The following YWHAZ variants were observed in gnomAD, a reference collection of about 807,000 sequenced individuals.
YWHAZ encodes tyrosine 3-monooxygenase/tryptophan 5-monooxygenase activation protein zeta, also known as 14-3-3 protein zeta/delta.
For missense variants in YWHAZ, 79 were observed against 284.8 expected (o/e 0.28, Z 5.20); for synonymous variants, 87 against 103.6 (o/e 0.84, Z 0.97).
At chr8:100,939,486 C>G (rs1292029957) in intron 2 of YWHAZ, among the ~76,000 whole-genome samples, 1 of 151,504 alleles carries the variant, frequency 6.6e-6, no homozygotes, top group Non-Finnish European at 1.5e-5. Flanking sequence ...ATGGAGAAAC[C>G]CCATCTCTAC....
At chr8:100,947,969 G>T in intron 2 of YWHAZ, 1 of 700,432 alleles carries the variant, frequency 1.4e-6, no homozygotes, top group Non-Finnish European at 2.2e-6. Context: ...TAAGCGCAGT[G>T]CTTCAACACA....
intron 2 of YWHAZ, among the ~76,000 whole-genome samples, chr8:100,943,714 C>T (rs1225289058): frequency 2.6e-5 from 4 of 152,058 alleles, no homozygotes; most frequent in Non-Finnish European, 5.9e-5. Context: ...AGGCCGGGCG[C>T]GGTGGCTCAC....
At chr8:100,947,080 C>T (rs1483405478) in intron 2 of YWHAZ, among the ~76,000 whole-genome samples, 18 of 150,900 alleles carry the variant, frequency 1.2e-4, no homozygotes, top group Middle Eastern at 3.2e-3. Flanking sequence ...GGTGAAACCC[C>T]GTCTCTACTA....
upstream of YWHAZ, chr8:100,952,302 A>G (rs941865902): frequency 2.1e-5 from 6 of 283,758 alleles, no homozygotes; most frequent in Non-Finnish European, 3.2e-5. Flanking sequence ...GCTTGTCCCG[A>G]GTGCACCTAG....
At chr8:100,940,062 CA>C (rs33984830) in intron 2 of YWHAZ, among the ~76,000 whole-genome samples, 175 of 99,004 alleles carry the variant, frequency 1.8e-3, no homozygotes, top group Middle Eastern at 0.01. Flanking sequence ...GACTCCGTCT[CA>C]AAAAAAAAAA....
chr8:100,951,022 T>A (rs1810713316), intron 1 of YWHAZ: 1 of 416,438 alleles, frequency 2.4e-6, no homozygotes, highest in Non-Finnish European at 3.2e-6. Flanking sequence ...TACCCCGACC[T>A]GGACTTGCAG....
In YWHAZ at chr8:100,948,956, C is replaced by A; in HGVS notation, c.-11-56G>T. The A allele has an allele frequency of 6.6e-7, 1 of 1,511,860 alleles. No individual in the cohort carries two copies. Among genetic ancestry groups the A allele is most frequent in the Non-Finnish European group, 8.8e-7 (1 of 1,137,228 alleles). 93.7% of individuals were successfully genotyped at this position (1,511,860 alleles called of 1,614,324 possible). ...TTTTTCCCATCAAAATAAACAGACT[C>A]AAAATTATACCTGTGGTAAATGAGT... On this transcript the variant is annotated intron_variant, in intron 1 of 5. Transcript: ENST00000395958. This position sits in a 1 kb window ranked among gnomAD's most constrained non-coding sequence, Gnocchi z 4.2.
intron 2 of YWHAZ, among the ~76,000 whole-genome samples, chr8:100,926,163 G>A (rs1813345830): frequency 6.6e-6 from 1 of 151,386 alleles, no homozygotes; most frequent in African/African-American, 2.4e-5. Flanking sequence ...CCAATGCTGG[G>A]TAGGTGAACA....
At chr8:100,939,971 C>T (rs913403666) in intron 2 of YWHAZ, among the ~76,000 whole-genome samples, 5 of 149,698 alleles carry the variant, frequency 3.3e-5, no homozygotes, top group Admixed American at 6.7e-5. Context: ...TGCAGTGAGC[C>T]GAGATCGCGC....
intron 1 of YWHAZ, chr8:100,950,663 G>GGC (rs1554618242): frequency 1.1e-6 from 1 of 909,864 alleles, no homozygotes; most frequent in Non-Finnish European, 1.3e-6. Context: ...GCCGTGGGGG[G>GGC]GGGGGAGAGA....
chr8:100,925,601 TAA>T (rs1467313023), intron 2 of YWHAZ, among the ~76,000 whole-genome samples: 1 of 152,200 alleles, frequency 6.6e-6, no homozygotes, highest in Non-Finnish European at 1.5e-5. Context: ...TTATTTTTCC[TAA>T]AGACAGTGGT....
In YWHAZ at chr8:100,947,120, G is replaced by A. The variant is rs549801117; in HGVS notation, c.294+1476C>T. ...TACAAAAAAATTAGCCGGGCGCAGTGGCAGGCGCCTGTAGTCTCAGCTATT... is the reference window on the plus strand; with the variant it reads ...TACAAAAAAATTAGCCGGGCGCAGTAGCAGGCGCCTGTAGTCTCAGCTATT... On this transcript the variant is annotated intron_variant, in intron 2 of 5. Coordinates refer to ENST00000395958, the MANE Select transcript of YWHAZ (RefSeq NM_145690.3). Among the ~76,000 whole-genome samples, 3 of 151,710 alleles carry A rather than the reference G, an allele frequency of 2.0e-5. No homozygotes were observed. The South Asian group carries it at 6.2e-4, about 32-fold the overall frequency.
intron 2 of YWHAZ, among the ~76,000 whole-genome samples, chr8:100,946,653 G>A (rs1385744552): frequency 6.6e-6 from 1 of 152,078 alleles, no homozygotes; most frequent in Middle Eastern, 3.4e-3. Flanking sequence ...TTTGTATATG[G>A]AAAACATGCA....
At chr8:100,950,657 T>TTGA in intron 1 of YWHAZ, 4 of 716,676 alleles carry the variant, frequency 5.6e-6, no homozygotes, top group South Asian at 1.3e-4. Context: ...GCCCAAGCCG[T>TTGA]GGGGGGGGGG....
At chr8:100,951,601 C>T in intron 1 of YWHAZ, 1 of 985,230 alleles carries the variant, frequency 1.0e-6, no homozygotes, top group Non-Finnish European at 1.2e-6. Context: ...ATGCCTCGTC[C>T]ACCTTCGGGA....
chr8:100,951,090 C>T (rs1810724364), intron 1 of YWHAZ: 1 of 897,006 alleles, frequency 1.1e-6, no homozygotes, highest in African/African-American at 1.8e-5. Context: ...AGACCCATCC[C>T]CCACCCCCAC....
intron 5 of YWHAZ, among the ~76,000 whole-genome samples, chr8:100,921,094 C>T (rs1382775132): frequency 3.3e-5 from 5 of 152,042 alleles, no homozygotes; most frequent in African/African-American, 4.8e-5. Flanking sequence ...AGTGCAGTGG[C>T]GTGATCTTGG....
intron 2 of YWHAZ, among the ~76,000 whole-genome samples, chr8:100,941,506 C>T (rs527272129): frequency 5.9e-5 from 9 of 152,196 alleles, no homozygotes; most frequent in South Asian, 2.1e-4. Context: ...ATTTCTAGGC[C>T]GGGTATGGTG....
Position 100,924,408 on chromosome 8 carries a change from G to T in YWHAZ, c.419-110C>A. 1 of 1,107,750 alleles carries T rather than the reference G, an allele frequency of 9.0e-7. No homozygotes were observed. The highest frequency in any genetic ancestry group is 1.2e-6 in the Non-Finnish European group (1 of 801,230). 68.6% of individuals were successfully genotyped at this position (1,107,750 alleles called of 1,614,324 possible). A position where few individuals can be genotyped will look rare whatever the true frequency, so the allele number is the denominator to read the frequency against. ...TCCTTTGAAATACTAACCTGTAACAGCTTAATATTTGTTAATTGAACAAGG... is the reference window on the plus strand; with the variant it reads ...TCCTTTGAAATACTAACCTGTAACATCTTAATATTTGTTAATTGAACAAGG... On this transcript the variant is annotated intron_variant, in intron 3 of 5. Transcript: ENST00000395958. The surrounding 1 kb of genome is among the most constrained non-coding windows in gnomAD (Gnocchi z 5.7).
Sources: allele counts gnomAD v4.1 joint callset (sites outside exome capture counted in the v4.1 genomes callset), GRCh38; gene constraint gnomAD v4.1.1; non-coding constraint Gnocchi (gnomAD v3.1); transcripts MANE v1.5; gene names NCBI Gene and HGNC (gene_info 2026-07-23, HGNC 2026-07-21).